Variants in PLSCR2 observed in about 807,000 individuals in gnomAD.
PLSCR2 encodes the protein phospholipid scramblase 2.
Under a neutral mutation model 25.3 loss-of-function variants are expected in PLSCR2, and 18 were observed. The ratio of observed to expected loss-of-function variants is 0.71; its 90% CI spans 0.49 to 1.06. The LOEUF (loss-of-function observed/expected upper bound fraction) is 1.06, where lower values mean the gene tolerates loss of function less well. Ranked by LOEUF, PLSCR2 falls within the 50% of genes least tolerant of loss-of-function variation. PLSCR2 has a pLI of 0.00. For synonymous variants in PLSCR2, 88 were observed against 87.3 expected, an observed-to-expected ratio of 1.01 and a Z score of -0.04; for missense variants, 243 against 269.5, an observed-to-expected ratio of 0.90 and a Z score of 0.69.
chr3:146,454,271 G>A, intron 4 of PLSCR2, 108 bp from the exon 5 acceptor site: 1 of 654,448 alleles, frequency 1.5e-6, no homozygotes, highest in Non-Finnish European at 2.4e-6. Context: ...TGTAAGTGAG[G>A]ACTTCCTAGG....
chr3:146,404,203 T>C (rs535057732), intron 2 of PLSCR2, among the ~76,000 whole-genome samples: 5 of 152,342 alleles, frequency 3.3e-5, no homozygotes, highest in African/African-American at 1.2e-4. Context: ...CACCCTTCTC[T>C]ATATAGAAGT....
chr3:146,460,790 C>T (rs555540125), upstream of PLSCR2, among the ~76,000 whole-genome samples: 1 of 152,274 alleles, frequency 6.6e-6, no homozygotes, highest in South Asian at 2.1e-4. Flanking sequence ...AAAATCATGT[C>T]GTCCCTCCTA....
chr3:146,407,699 T>A (rs1384272184), intron 2 of PLSCR2, among the ~76,000 whole-genome samples: 1 of 152,198 alleles, frequency 6.6e-6, no homozygotes, highest in Non-Finnish European at 1.5e-5. Flanking sequence ...GTGTAAACGT[T>A]AATATGTTTA....
intron 3 of PLSCR2, among the ~76,000 whole-genome samples, chr3:146,393,435 G>A (rs545769257): frequency 1.3e-5 from 2 of 151,990 alleles, no homozygotes; most frequent in African/African-American, 2.4e-5. Context: ...CTAATTTGTC[G>A]AGACTTGCTT....
chr3:146,461,884 C>A (rs764657394), upstream of PLSCR2: 1 of 1,457,488 alleles, frequency 6.9e-7, no homozygotes, highest in Non-Finnish European at 9.3e-7. Flanking sequence ...ATATATCTTG[C>A]GAAGTTTTCA....
At chr3:146,406,373 G>C (rs752699073) in intron 2 of PLSCR2, among the ~76,000 whole-genome samples, 1 of 152,112 alleles carries the variant, frequency 6.6e-6, no homozygotes, top group Non-Finnish European at 1.5e-5. Context: ...CTGCAAGGTC[G>C]ATACTTCCTG....
At chr3:146,470,820 TC>T (rs1304813015) in intron 1 of PLSCR2, among the ~76,000 whole-genome samples, 1 of 152,200 alleles carries the variant, frequency 6.6e-6, no homozygotes, top group Non-Finnish European at 1.5e-5. Flanking sequence ...CTTTTTTACT[TC>T]CTGTGCCTGT....
At chr3:146,439,747 G>C (rs1267331070), downstream of PLSCR2, among the ~76,000 whole-genome samples, 1 of 152,042 alleles carries the variant, frequency 6.6e-6, no homozygotes, top group Non-Finnish European at 1.5e-5. Flanking sequence ...TGTTATTACC[G>C]ATTATCTGAA....
chr3:146,473,516 G>A (rs752022764), intron 1 of PLSCR2, among the ~76,000 whole-genome samples: 1 of 151,960 alleles, frequency 6.6e-6, no homozygotes, highest in Admixed American at 6.6e-5. Flanking sequence ...ATGTTGGTCA[G>A]GCTGGTCTTG....
intron 2 of PLSCR2, among the ~76,000 whole-genome samples, chr3:146,421,317 A>C (rs2039142174): frequency 6.6e-6 from 1 of 151,978 alleles, no homozygotes; most frequent in Non-Finnish European, 1.5e-5. Flanking sequence ...CCAGAAACCT[A>C]GGCATATTCT....
At chr3:146,476,365 C>T (rs928970111) in intron 1 of PLSCR2, among the ~76,000 whole-genome samples, 1 of 152,210 alleles carries the variant, frequency 6.6e-6, no homozygotes, top group Non-Finnish European at 1.5e-5. Flanking sequence ...GGGATCTGTG[C>T]TTTTTCCATG....
At chr3:146,461,637 C>T (rs1024525567), upstream of PLSCR2, among the ~76,000 whole-genome samples, 5 of 151,722 alleles carry the variant, frequency 3.3e-5, no homozygotes, top group African/African-American at 7.3e-5. Context: ...GACGATCTAC[C>T]GAGAAATGCT....
intron 6 of PLSCR2, among the ~76,000 whole-genome samples, 155 bp from the exon 7 acceptor site, chr3:146,441,976 G>C (rs943139783): frequency 7.2e-5 from 11 of 152,014 alleles, no homozygotes; most frequent in Non-Finnish European, 1.6e-4. Flanking sequence ...ACAGGTATAA[G>C]TTCTCTACCT....
chr3:146,439,279 C>A (rs2040088632), downstream of PLSCR2, among the ~76,000 whole-genome samples: 2 of 152,246 alleles, frequency 1.3e-5, no homozygotes, highest in African/African-American at 4.8e-5. Context: ...CGAGGAGTAT[C>A]TTTGTGGCAT....
chr3:146,490,862 G>A (rs1178442421), intron 1 of PLSCR2, among the ~76,000 whole-genome samples: 3 of 151,932 alleles, frequency 2.0e-5, no homozygotes, highest in Admixed American at 1.3e-4. Context: ...AATCAATATC[G>A]ATATGTGAGA....
intron 1 of PLSCR2, among the ~76,000 whole-genome samples, chr3:146,483,481 A>ATATATATATATATACATGTG (rs2043224711): frequency 2.7e-5 from 2 of 73,176 alleles, no homozygotes; most frequent in South Asian, 9.7e-4. Context: ...ATACATGTGT[A>ATATATATATATATACATGTG]TATATATATA....
At chr3:146,443,482 T>C (rs1265474332) in intron 6 of PLSCR2, among the ~76,000 whole-genome samples, 1 of 152,032 alleles carries the variant, frequency 6.6e-6, no homozygotes, top group East Asian at 1.9e-4. Context: ...CATGGTTCAG[T>C]CTCGGTAGAC....
chr3:146,415,598 A>G (rs1472141533), intron 2 of PLSCR2, among the ~76,000 whole-genome samples: 4 of 152,138 alleles, frequency 2.6e-5, no homozygotes. Context: ...TTAAGCATTG[A>G]AAATGTAAAC....
chr3:146,403,328 T>C (rs1378291507), intron 2 of PLSCR2, among the ~76,000 whole-genome samples: 1 of 152,206 alleles, frequency 6.6e-6, no homozygotes, highest in Non-Finnish European at 1.5e-5. Flanking sequence ...AGTTCTCAAA[T>C]TTAAGCCTGC....
Sources: allele counts gnomAD v4.1 joint callset (sites outside exome capture counted in the v4.1 genomes callset), GRCh38; gene constraint gnomAD v4.1.1; transcripts MANE v1.5; gene names NCBI Gene and HGNC (gene_info 2026-07-23, HGNC 2026-07-21).